NRG3: variants seen among roughly 807,000 people sequenced by gnomAD.
NRG3 encodes pro-neuregulin-3, membrane-bound isoform.
A neutral mutation model predicts 66.9 loss-of-function variants in NRG3; 31 were observed. The ratio of observed to expected loss-of-function variants is 0.46; its 90% CI spans 0.35 to 0.63. The LOEUF is 0.63. Ranked by LOEUF, NRG3 falls within the 20% of genes least tolerant of loss-of-function variation. The pLI is 0.00. For synonymous variants in NRG3, 393 were observed against 359.4 expected (o/e 1.09, Z -1.06); for missense variants, 910 against 878.9 (o/e 1.04, Z -0.45).
chr10:82,951,418 G>A (rs753600008), intron 4 of NRG3, 51 bp from the exon 5 acceptor site: 1 of 1,393,868 alleles, frequency 7.2e-7, no homozygotes, highest in Non-Finnish European at 1.0e-6. Context: ...GAAGATAGTT[G>A]CTGATGCACC....
intron 2 of NRG3, among the ~76,000 whole-genome samples, chr10:82,495,087 C>T (rs551520079): frequency 3.3e-5 from 5 of 151,976 alleles, no homozygotes; most frequent in African/African-American, 4.8e-5. Context: ...ATTACAGGTG[C>T]GGGCCACCAC....
chr10:82,741,902 C>T (rs2134796347), intron 3 of NRG3, among the ~76,000 whole-genome samples: 1 of 152,264 alleles, frequency 6.6e-6, no homozygotes, highest in South Asian at 2.1e-4. Flanking sequence ...GCACAATTTT[C>T]ATATCTTAAT....
chr10:82,871,690 A>G (rs1213441903), intron 4 of NRG3, among the ~76,000 whole-genome samples: 1 of 152,028 alleles, frequency 6.6e-6, no homozygotes, highest in Non-Finnish European at 1.5e-5. Flanking sequence ...TGTAAATGCT[A>G]TTGTGTTTTT....
intron 4 of NRG3, among the ~76,000 whole-genome samples, chr10:82,916,346 A>G: frequency 6.6e-6 from 1 of 152,122 alleles, no homozygotes; most frequent in South Asian, 2.1e-4. Flanking sequence ...CAGCTACTGA[A>G]AAGGCTGAGG....
At chr10:82,533,579 G>T (rs922241984) in intron 2 of NRG3, among the ~76,000 whole-genome samples, 1 of 151,978 alleles carries the variant, frequency 6.6e-6, no homozygotes, top group African/African-American at 2.4e-5. Flanking sequence ...AGGAATAGAA[G>T]AAAATTACTT....
intron 2 of NRG3, among the ~76,000 whole-genome samples, chr10:82,587,939 A>G (rs1003380178): frequency 2.6e-5 from 4 of 152,212 alleles, no homozygotes; most frequent in Non-Finnish European, 5.9e-5. Context: ...GTGTTGTTTT[A>G]CAAGATTGAA....
chr10:82,447,189 C>A (rs906379060), intron 2 of NRG3, among the ~76,000 whole-genome samples: 3 of 152,194 alleles, frequency 2.0e-5, no homozygotes, highest in Admixed American at 6.5e-5. Context: ...GGATGCTTCT[C>A]CCAAATTATG....
At chr10:81,908,968 C>A (rs1403495803) in intron 1 of NRG3, among the ~76,000 whole-genome samples, 2 of 152,168 alleles carry the variant, frequency 1.3e-5, no homozygotes, top group African/African-American at 2.4e-5. Flanking sequence ...AGGACTGTTA[C>A]AATAAAGTAG....
intron 1 of NRG3, among the ~76,000 whole-genome samples, chr10:82,154,828 T>C (rs966145237): frequency 2.4e-4 from 36 of 151,882 alleles, no homozygotes; most frequent in African/African-American, 8.7e-4. Context: ...ATTGGATTGC[T>C]TTCTTAATTT....
chr10:82,517,206 T>A (rs542853286), intron 2 of NRG3, among the ~76,000 whole-genome samples: 1 of 152,268 alleles, frequency 6.6e-6, no homozygotes, highest in Admixed American at 6.5e-5. Context: ...TTTCTTTCTT[T>A]TATAGATACC....
intron 2 of NRG3, among the ~76,000 whole-genome samples, chr10:82,584,611 C>A (rs989925660): frequency 2.0e-5 from 3 of 152,066 alleles, no homozygotes; most frequent in Admixed American, 1.3e-4. Flanking sequence ...TTTATTTTTC[C>A]ACATTCTCTC....
At chr10:82,808,316 T>G (rs994884519) in intron 3 of NRG3, among the ~76,000 whole-genome samples, 1 of 152,182 alleles carries the variant, frequency 6.6e-6, no homozygotes, top group African/African-American at 2.4e-5. Flanking sequence ...TATCACACAG[T>G]TAAATCTGAA....
chr10:82,509,404 T>A (rs564919227), intron 2 of NRG3, among the ~76,000 whole-genome samples: 41 of 152,320 alleles, frequency 2.7e-4, no homozygotes, highest in Middle Eastern at 6.8e-3. Flanking sequence ...CATTTTCTGA[T>A]GTGAGTTACA....
chr10:82,848,789 T>C (rs1346580952), intron 3 of NRG3, among the ~76,000 whole-genome samples: 1 of 152,132 alleles, frequency 6.6e-6, no homozygotes, highest in Non-Finnish European at 1.5e-5. Context: ...GCTGTTCTCA[T>C]GATAGTGAAT....
At chr10:82,072,044 T>C (rs1353578594) in intron 1 of NRG3, among the ~76,000 whole-genome samples, 1 of 152,190 alleles carries the variant, frequency 6.6e-6, no homozygotes, top group East Asian at 1.9e-4. Flanking sequence ...GTTCTTTATA[T>C]GTATATGTCT....
intron 4 of NRG3, among the ~76,000 whole-genome samples, chr10:82,896,195 G>C (rs913308867): frequency 1.3e-5 from 2 of 152,180 alleles, no homozygotes; most frequent in Non-Finnish European, 2.9e-5. Flanking sequence ...TTCAACATGT[G>C]AGTTGTTTGA....
chr10:82,600,284 G>A (rs954153964), intron 2 of NRG3, among the ~76,000 whole-genome samples: 7 of 151,946 alleles, frequency 4.6e-5, no homozygotes, highest in African/African-American at 1.7e-4. Context: ...TCAATGATTA[G>A]ATTTTATCTT....
intron 1 of NRG3, among the ~76,000 whole-genome samples, chr10:82,041,740 C>A (rs2063048289): frequency 6.6e-6 from 1 of 151,946 alleles, no homozygotes; most frequent in Non-Finnish European, 1.5e-5. Flanking sequence ...CCTTCTCTCT[C>A]CCTTCACCCT....
In NRG3 at chr10:82,212,832, T is replaced by C. The variant is rs142927925; in HGVS notation, c.824-145907T>C. On this transcript the variant is annotated intron_variant, in intron 1 of 8. Transcript: ENST00000372141. Reference sequence around the variant, plus strand: ...GGCAGATGTAACATCTGATGTGCATTATGAAACATACGTAAGTAAAACCTT... The same window carrying C: ...GGCAGATGTAACATCTGATGTGCATCATGAAACATACGTAAGTAAAACCTT... 2.0e-3 allele frequency among the ~76,000 whole-genome samples: 302 copies of C among 152,340 alleles called. 2 individuals carry two copies. Among genetic ancestry groups the C allele is most frequent in the African/African-American group, 6.7e-3 (278 of 41,584 alleles).
Sources: allele counts gnomAD v4.1 joint callset (sites outside exome capture counted in the v4.1 genomes callset), GRCh38; gene constraint gnomAD v4.1.1; transcripts MANE v1.5; gene names NCBI Gene and HGNC (gene_info 2026-07-23, HGNC 2026-07-21).